Variants in LARS2 observed in about 807,000 individuals in gnomAD.
LARS2 encodes the protein leucyl-tRNA synthetase 2, mitochondrial, also known as leucine--tRNA ligase, mitochondrial.
A neutral mutation model predicts 116.6 loss-of-function variants in LARS2; 81 were observed. The observed-to-expected ratio is 0.69, with a 90% CI of 0.58 to 0.84. LARS2 has a LOEUF of 0.84. Among genes scored for constraint, LARS2 ranks in the 40% least tolerant of loss-of-function variants. The pLI is 0.00. For synonymous variants in LARS2, 396 were observed against 407.2 expected, an observed-to-expected ratio of 0.97 and a Z score of 0.33; for missense variants, 968 against 1,114.5, an observed-to-expected ratio of 0.87 and a Z score of 1.87.
intron 4 of LARS2, among the ~76,000 whole-genome samples, chr3:45,405,717 TAAAC>T (rs1332235717): frequency 6.6e-6 from 1 of 152,234 alleles, no homozygotes; most frequent in Non-Finnish European, 1.5e-5. Flanking sequence ...GCTGCTATAA[TAAAC>T]AATCCCCAAA....
intron 6 of LARS2, among the ~76,000 whole-genome samples, chr3:45,443,703 G>T (rs1698955566): frequency 6.6e-6 from 1 of 152,168 alleles, no homozygotes; most frequent in East Asian, 1.9e-4. Flanking sequence ...GAATATGCCT[G>T]GAAATGAACC....
Position 45,548,697 on chromosome 3 carries a change from A to T in LARS2, c.*1167A>T, listed in dbSNP as rs1476995756. 3 of 152,238 alleles carry T rather than the reference A, an allele frequency of 2.0e-5. No individual in the cohort carries two copies. Among genetic ancestry groups the T allele is most frequent in the Non-Finnish European group, 4.4e-5 (3 of 68,044 alleles). 9.4% of individuals were successfully genotyped at this position (152,238 alleles called of 1,614,324 possible). On this transcript the variant is annotated 3_prime_UTR_variant, in exon 22 of 22. Transcript: ENST00000645846. ...TATTTAATGAGGGAAGGTAGGGGAG[A>T]ATCTAGCCATTTTATAATGCCAGAA... is the stretch of plus-strand genomic sequence containing the variant.
chr3:45,523,358 G>A (rs1325549247), intron 19 of LARS2, among the ~76,000 whole-genome samples: 1 of 152,192 alleles, frequency 6.6e-6, no homozygotes, highest in Non-Finnish European at 1.5e-5. Context: ...GCAGCACAGA[G>A]GAAACCTAGC....
rs186149339 is a variant in LARS2, at chr3:45,436,772, G to T, written c.517-10119G>T. 1.6e-3 allele frequency among the ~76,000 whole-genome samples: 224 copies of T among 141,650 alleles called. 4 individuals carry two copies. The South Asian group carries it at 0.035, about 22-fold the overall frequency. The allele number at this position is 141,650 out of a possible 152,430, so 92.9% of individuals were successfully genotyped here. ...TTGCGCCACTGCAGTCCGCAGTCCG[G>T]CCTGGGCGACAGAGCGAGACTCGTC... On this transcript the variant is annotated intron_variant, in intron 6 of 21. Transcript: ENST00000645846.
intron 10 of LARS2, among the ~76,000 whole-genome samples, chr3:45,479,857 A>G (rs1314195260): frequency 2.7e-5 from 4 of 150,892 alleles, no homozygotes; most frequent in South Asian, 2.1e-4. Context: ...TTGGAACCAC[A>G]CACTTCAGCT....
intron 20 of LARS2, among the ~76,000 whole-genome samples, chr3:45,540,608 C>T (rs1403694356): frequency 6.6e-6 from 1 of 152,222 alleles, no homozygotes; most frequent in Non-Finnish European, 1.5e-5. Context: ...CAGGGCACTG[C>T]TCCAGAATGG....
intron 12 of LARS2, among the ~76,000 whole-genome samples, chr3:45,489,619 C>T (rs981371952): frequency 2.0e-5 from 3 of 152,286 alleles, no homozygotes; most frequent in Admixed American, 6.5e-5. Context: ...ACTGGCATCA[C>T]GTGTCTTAGA....
intron 8 of LARS2, among the ~76,000 whole-genome samples, chr3:45,465,496 C>T (rs1363983438): frequency 1.3e-5 from 2 of 152,206 alleles, no homozygotes; most frequent in Non-Finnish European, 2.9e-5. Context: ...AAGTAGACAA[C>T]TTGAGGCTGG....
At chr3:45,547,283 T>G in intron 21 of LARS2, 68 bp from the exon 22 acceptor site, 1 of 1,393,736 alleles carries the variant, frequency 7.2e-7, no homozygotes, top group Non-Finnish European at 9.8e-7. Context: ...GGCAGGAGGT[T>G]TGGTATTGGG....
rs1699918637 is a variant in LARS2 at position 45,491,691 on chromosome 3, G to A, written c.1414G>A (p.Val472Met). ...CTGCCCAGTCTGTGGCCCCACACCT[G>A]TGCCCCTGGAGGACTTGCCTGTGAC... ...VHCPVCGPTP[V>M]PLEDLPVTLP... The change falls in exon 13 of 22, where the codon GTG becomes ATG. Residue 472 changes from valine (V) to methionine (M), a missense_variant. By Grantham distance (21) the Val-to-Met change is conservative (BLOSUM62 1). Transcript: ENST00000645846. 1 of 1,614,200 alleles carries A rather than the reference G, an allele frequency of 6.2e-7. No homozygotes were observed. Among genetic ancestry groups the A allele is most frequent in the Non-Finnish European group, 8.5e-7 (1 of 1,180,016 alleles).
chr3:45,534,261 G>A (rs1347410230), intron 20 of LARS2, among the ~76,000 whole-genome samples: 2 of 152,076 alleles, frequency 1.3e-5, no homozygotes, highest in Non-Finnish European at 2.9e-5. Context: ...GTCCCCCTAG[G>A]TCATTACTCA....
chr3:45,502,933 A>G (rs1252178367), intron 15 of LARS2, among the ~76,000 whole-genome samples: 1 of 151,972 alleles, frequency 6.6e-6, no homozygotes, highest in Non-Finnish European at 1.5e-5. Flanking sequence ...ATAATTCTTT[A>G]TCTAATGTCA....
chr3:45,479,066 G>A (rs991392902), intron 10 of LARS2, among the ~76,000 whole-genome samples: 6 of 152,020 alleles, frequency 3.9e-5, no homozygotes, highest in Non-Finnish European at 7.4e-5. Flanking sequence ...GCAGCACACA[G>A]TTGTGACTAA....
chr3:45,410,165 G>GAACAGTTACGC (rs1698306760), intron 4 of LARS2, among the ~76,000 whole-genome samples: 1 of 152,186 alleles, frequency 6.6e-6, no homozygotes, highest in Non-Finnish European at 1.5e-5. Context: ...CTTTCTTGTG[G>GAACAGTTACGC]AACAGTTACG....
chr3:45,547,718 G>T lies in LARS2; in HGVS notation c.*188G>T. ...TGTGGCCTGGTGCTGGGGTGAAGGT[G>T]AGCTGGGCAAAGGAGAAATATGAGC... is the stretch of plus-strand genomic sequence containing the variant. On this transcript the variant is annotated 3_prime_UTR_variant, in exon 22 of 22. Transcript: ENST00000645846. 1 of 549,674 alleles carries T rather than the reference G, an allele frequency of 1.8e-6. No individual in the cohort carries two copies. The highest frequency in any genetic ancestry group is 3.1e-6 in the Non-Finnish European group (1 of 317,666). 34.0% of individuals were successfully genotyped at this position (549,674 alleles called of 1,614,324 possible). A position where few individuals can be genotyped will look rare whatever the true frequency, so the allele number is the denominator to read the frequency against.
At chr3:45,476,390 G>A (rs1699609311) in intron 9 of LARS2, 78 bp from the exon 10 acceptor site, 3 of 1,456,434 alleles carry the variant, frequency 2.1e-6, no homozygotes, top group Non-Finnish European at 1.9e-6. Context: ...GAGGGAAGGG[G>A]AAGGGGATAC....
Position 45,541,831 on chromosome 3 carries a change from C to G in LARS2, c.2407C>G (p.Leu803Val). 1 of 1,614,148 alleles carries G rather than the reference C, an allele frequency of 6.2e-7. No individual in the cohort carries two copies. Among genetic ancestry groups the G allele is most frequent in the Non-Finnish European group, 8.5e-7 (1 of 1,179,992 alleles). Residue 803 changes from leucine to valine, a missense_variant and splice_region_variant, in exon 21 of 22, where the codon CTG becomes GTG. Leu to Val is a conservative substitution (Grantham distance 32, BLOSUM62 1). Coordinates refer to ENST00000645846, the MANE Select transcript of LARS2 (RefSeq NM_015340.4). ...GCTTCTGTGCCTCGGCATTGCAGGC[C>G]TGGCGCTGGTGCCGAGGAAGCTCTG... Reference protein sequence around the residue: ...PHVTSEIWAGLALVPRKLCAH... With the variant: ...PHVTSEIWAGVALVPRKLCAH...
At position 45,485,814 on chromosome 3, in the gene LARS2, T is replaced by C; in HGVS notation, c.1123+18T>C. 2 of 1,475,774 alleles carry C rather than the reference T, an allele frequency of 1.4e-6. No individual in the cohort carries two copies. Among genetic ancestry groups the C allele is most frequent in the Non-Finnish European group, 9.4e-7 (1 of 1,058,522 alleles). The allele number at this position is 1,475,774 out of a possible 1,614,324, so 91.4% of individuals were successfully genotyped here. ...AAAAATAGGTAAGCAGCTATTAAAA[T>C]GTAACCACAACGGTATATTTTGCAG... On this transcript the variant is annotated intron_variant, in intron 11 of 21. Transcript: ENST00000645846.
intron 13 of LARS2, among the ~76,000 whole-genome samples, chr3:45,495,790 T>G (rs1700001077): frequency 6.6e-6 from 1 of 152,218 alleles, no homozygotes; most frequent in Non-Finnish European, 1.5e-5. Flanking sequence ...GTAAATAAAT[T>G]TCTTTAAAAC....
Sources: allele counts gnomAD v4.1 joint callset (sites outside exome capture counted in the v4.1 genomes callset), GRCh38; gene constraint gnomAD v4.1.1; transcripts MANE v1.5; gene names NCBI Gene and HGNC (gene_info 2026-07-23, HGNC 2026-07-21).